MILR1: variants seen among roughly 807,000 people sequenced by gnomAD.
The protein encoded by MILR1 is allergin-1.
Under a neutral mutation model 18.5 loss-of-function variants are expected in MILR1, and 31 were observed. The ratio of observed to expected loss-of-function variants is 1.68; its 90% confidence interval spans 1.26 to 2.26. The LOEUF is 2.26. Ranked by LOEUF, MILR1 falls within the 30% of genes most tolerant of loss-of-function variation. The probability of loss-of-function intolerance (pLI) is 0.00; values close to 1 mark genes in which losing one functional copy is unlikely to be tolerated. For synonymous variants in MILR1, 85 were observed against 56.2 expected (o/e 1.51, Z -2.30); for missense variants, 257 against 157.4 (o/e 1.63, Z -3.38).
chr17:64,459,570 T>C (rs1048257907), intron 4 of MILR1, among the ~76,000 whole-genome samples: 1 of 152,180 alleles, frequency 6.6e-6, no homozygotes, highest in African/African-American at 2.4e-5. Flanking sequence ...GTGAGTGTGG[T>C]CTAACAAGTG....
chr17:64,451,105 A>G (rs1051124690), intron 2 of MILR1, among the ~76,000 whole-genome samples: 7 of 151,566 alleles, frequency 4.6e-5, no homozygotes, highest in Non-Finnish European at 1.0e-4. Flanking sequence ...AGTGGTGGAT[A>G]TAATCACTTT....
chr17:64,453,189 C>T (rs1018095781), intron 3 of MILR1, among the ~76,000 whole-genome samples: 1 of 151,914 alleles, frequency 6.6e-6, no homozygotes, highest in African/African-American at 2.4e-5. Context: ...CTGCCTCAGC[C>T]TCCCAAGTAG....
At chr17:64,496,824 C>A in the MILR1 span, 1 of 1,613,918 alleles carries the variant, frequency 6.2e-7, no homozygotes, top group South Asian at 1.1e-5. Flanking sequence ...CCCTCGAGCT[C>A]CGCGTGCGAC....
At chr17:64,481,554 T>A in the MILR1 span, 1 of 318,192 alleles carries the variant, frequency 3.1e-6, no homozygotes, top group Non-Finnish European at 4.5e-6. Context: ...TATCTGAATA[T>A]AGTCAGTTAC....
the MILR1 span, among the ~76,000 whole-genome samples, chr17:64,497,316 T>C: frequency 6.6e-6 from 1 of 152,244 alleles, no homozygotes. Flanking sequence ...CTGCCACTGT[T>C]TTGCAGTCCA....
At chr17:64,475,649 C>CAAA in the MILR1 span, among the ~76,000 whole-genome samples, 1 of 86,250 alleles carries the variant, frequency 1.2e-5, no homozygotes, top group Non-Finnish European at 3.0e-5. Flanking sequence ...AACTCCAACT[C>CAAA]AAAAAAAAAA....
the MILR1 span, among the ~76,000 whole-genome samples, chr17:64,486,126 T>C: frequency 1.3e-5 from 2 of 152,164 alleles, no homozygotes; most frequent in Admixed American, 6.5e-5. Flanking sequence ...AGGCCTGTGG[T>C]AGGCACTGGG....
the MILR1 span, among the ~76,000 whole-genome samples, chr17:64,487,808 C>T: frequency 2.0e-5 from 3 of 151,878 alleles, no homozygotes; most frequent in Non-Finnish European, 4.4e-5. Context: ...TTGAGACTAG[C>T]CTGGGCAACA....
At chr17:64,493,447 T>A in the MILR1 span, among the ~76,000 whole-genome samples, 9 of 152,058 alleles carry the variant, frequency 5.9e-5, no homozygotes, top group Admixed American at 5.9e-4. Context: ...AGATCACCAC[T>A]TAATTCTAGG....
chr17:64,472,092 A>G (rs782576817), downstream of MILR1, among the ~76,000 whole-genome samples: 1 of 152,226 alleles, frequency 6.6e-6, no homozygotes, highest in South Asian at 2.1e-4. Flanking sequence ...CTCACAACCC[A>G]GAAAACATAA....
At chr17:64,494,744 CT>C in the MILR1 span, among the ~76,000 whole-genome samples, 446 of 152,194 alleles carry the variant, frequency 2.9e-3, 2 homozygotes, top group African/African-American at 0.01. Context: ...CATCTGTGAC[CT>C]TTTTATATGA....
Position 64,452,717 on chromosome 17 carries a change from A to G in MILR1, c.218A>G (p.Lys73Arg), listed in dbSNP as rs1290782120. Residue 73 changes from lysine (K) to arginine (R), a missense_variant, in exon 3 of 10, where the codon AAG (lysine) becomes AGG (arginine). Transcript: ENST00000619286. ...LQITYSLFRR[K>R]THLGTQDGKG... The stretch of plus-strand genomic sequence containing the variant: ...ATCACCTATTCATTGTTTCGACGTA[A>G]GACACACCTGGGAACCCAGGATGGA... 8.4e-6 allele frequency: 4 copies of G among 475,126 alleles called. No homozygotes were observed. Among genetic ancestry groups the G allele is most frequent in the Non-Finnish European group, 1.5e-5 (4 of 259,008 alleles). The allele number at this position is 475,126 out of a possible 1,614,324, so 29.4% of individuals were successfully genotyped here.
chr17:64,477,932 T>C, the MILR1 span: 1 of 1,614,040 alleles, frequency 6.2e-7, no homozygotes. Flanking sequence ...TATTAATCCA[T>C]TCTCCAAAGT....
At chr17:64,453,666 C>A (rs2037226523) in intron 3 of MILR1, among the ~76,000 whole-genome samples, 1 of 149,562 alleles carries the variant, frequency 6.7e-6, no homozygotes, top group Admixed American at 6.7e-5. Context: ...CTAGCCACAT[C>A]TCACTACTTC....
chr17:64,478,971 A>T, the MILR1 span, among the ~76,000 whole-genome samples: 1 of 152,164 alleles, frequency 6.6e-6, no homozygotes, highest in African/African-American at 2.4e-5. Flanking sequence ...CGTGTTTAAT[A>T]ATAATTTCAT....
downstream of MILR1, chr17:64,468,648 T>C: frequency 8.9e-7 from 1 of 1,120,212 alleles, no homozygotes; most frequent in African/African-American, 1.7e-5. Flanking sequence ...CATGCATCCT[T>C]CTCTGAGCCT....
rs948553528 is a variant in MILR1 at position 64,451,729 on chromosome 17, T to C, written c.98-868T>C. Among the ~76,000 whole-genome samples the C allele has an allele frequency of 6.1e-3, 920 of 151,834 alleles. 7 individuals carry two copies. The highest frequency in any genetic ancestry group is 0.021 in the African/African-American group (884 of 41,424). ...CAGGCAGTCACTTGAGGTCAGGAGTTCAAGACGAGCCTGGACAACATGGTG... is the reference window on the plus strand; with the variant it reads ...CAGGCAGTCACTTGAGGTCAGGAGTCCAAGACGAGCCTGGACAACATGGTG... On this transcript the variant is annotated intron_variant, in intron 2 of 9. Transcript: ENST00000619286.
intron 5 of MILR1, among the ~76,000 whole-genome samples, chr17:64,461,368 C>T (rs1386651278): frequency 2.0e-5 from 3 of 152,100 alleles, no homozygotes; most frequent in Non-Finnish European, 4.4e-5. Flanking sequence ...CTGCCTCAGC[C>T]TCCCAAGAAG....
chr17:64,461,179 C>T (rs1047923855), intron 5 of MILR1, among the ~76,000 whole-genome samples: 8 of 152,072 alleles, frequency 5.3e-5, no homozygotes, highest in South Asian at 2.1e-4. Flanking sequence ...GCTTCACAGA[C>T]GTACAGCCTG....
Sources: allele counts gnomAD v4.1 joint callset (sites outside exome capture counted in the v4.1 genomes callset), GRCh38; gene constraint gnomAD v4.1.1; transcripts MANE v1.5; gene names NCBI Gene and HGNC (gene_info 2026-07-23, HGNC 2026-07-21).